The following ALPK1 variants were observed in gnomAD, a reference collection of about 807,000 sequenced individuals.
The protein encoded by ALPK1 is alpha kinase 1, also known as alpha-protein kinase 1.
Under a neutral mutation model 120.6 loss-of-function variants are expected in ALPK1, and 110 were observed. That is an observed-to-expected ratio of 0.91 (90% confidence interval 0.78 to 1.07). ALPK1 has a LOEUF of 1.07. Among genes scored for constraint, ALPK1 ranks in the 50% least tolerant of loss-of-function variants. The pLI is 0.00. For missense variants in ALPK1, 1,498 were observed against 1,483.9 expected, an observed-to-expected ratio of 1.01 and a Z score of -0.16; for synonymous variants, 582 against 560.3, an observed-to-expected ratio of 1.04 and a Z score of -0.55.
At chr4:112,355,371 T>C (rs1257151580) in intron 2 of ALPK1, among the ~76,000 whole-genome samples, 1 of 151,920 alleles carries the variant, frequency 6.6e-6, no homozygotes, top group Non-Finnish European at 1.5e-5. Context: ...CCCGGGCCAG[T>C]GGGGGAGACA....
chr4:112,340,187 T>C (rs1166217560), intron 2 of ALPK1, among the ~76,000 whole-genome samples: 1 of 152,264 alleles, frequency 6.6e-6, no homozygotes, highest in Non-Finnish European at 1.5e-5. Flanking sequence ...ATATAGCCTG[T>C]AGCTCTTTAA....
chr4:112,347,179 C>A (rs28710349), intron 2 of ALPK1, among the ~76,000 whole-genome samples: 1,718 of 152,174 alleles, frequency 0.011, 25 homozygotes, highest in African/African-American at 0.039. Flanking sequence ...GTCATAGAAT[C>A]AACATTCTGT....
chr4:112,327,854 A>G (rs559539435), intron 2 of ALPK1, among the ~76,000 whole-genome samples: 2 of 152,286 alleles, frequency 1.3e-5, no homozygotes, highest in South Asian at 2.1e-4. Flanking sequence ...TTACCTTTTA[A>G]CCCTCAATCC....
At chr4:112,411,178 A>C (rs1384433769) in intron 4 of ALPK1, 1 of 154,854 alleles carries the variant, frequency 6.5e-6, no homozygotes, top group East Asian at 1.9e-4. Context: ...AAATAAGATA[A>C]GGGATGGGGA....
chr4:112,379,247 G>C (rs1731796242), intron 3 of ALPK1, among the ~76,000 whole-genome samples: 1 of 152,200 alleles, frequency 6.6e-6, no homozygotes, highest in South Asian at 2.1e-4. Context: ...GAGTGCCACA[G>C]AATAGAAGAA....
rs1319275275 is a variant in ALPK1, at chr4:112,430,555, C to T, written c.1008C>T (p.Leu336=). The change falls in exon 11 of 16, where the codon CTC becomes CTT. Residue 336 remains leucine, a synonymous_variant. Coordinates refer to ENST00000650871, the MANE Select transcript of ALPK1 (RefSeq NM_025144.4). ...CCAAAGAGGCCTTTGAGATTGGCCTCCTCACCAAGAGAGATGATGAGCCTG... is the reference window on the plus strand; with the variant it reads ...CCAAAGAGGCCTTTGAGATTGGCCTTCTCACCAAGAGAGATGATGAGCCTG... The part of the protein sequence containing the change: ...CEAKEAFEIG[L]LTKRDDEPVT... 25 of 1,614,060 alleles carry T rather than the reference C, an allele frequency of 1.5e-5. No individual in the cohort carries two copies. The South Asian group carries it at 1.9e-4, about 12-fold the overall frequency.
chr4:112,347,731 T>A (rs1730160675), intron 2 of ALPK1, among the ~76,000 whole-genome samples: 1 of 152,260 alleles, frequency 6.6e-6, no homozygotes, highest in Non-Finnish European at 1.5e-5. Flanking sequence ...TTGAGAAGTT[T>A]ACAGATACAG....
chr4:112,352,431 G>A (rs1730404440), intron 2 of ALPK1, among the ~76,000 whole-genome samples: 1 of 152,076 alleles, frequency 6.6e-6, no homozygotes, highest in Admixed American at 6.6e-5. Context: ...TGGGAGATTG[G>A]TTCCAGGATC....
chr4:112,439,656 G>A (rs375739117), intron 13 of ALPK1, 30 bp from the exon 14 acceptor site: 3 of 1,576,766 alleles, frequency 1.9e-6, no homozygotes, highest in Non-Finnish European at 1.7e-6. Context: ...TTACCATTAT[G>A]CTGTAATGTT....
At chr4:112,426,433 C>T in intron 7 of ALPK1, 34 bp from the exon 8 acceptor site, 3 of 1,560,394 alleles carry the variant, frequency 1.9e-6, no homozygotes, top group Non-Finnish European at 2.6e-6. Flanking sequence ...TGTTCCTCCC[C>T]TGTCCCTCTC....
chr4:112,419,555 A>G (rs1234887218), intron 5 of ALPK1, among the ~76,000 whole-genome samples: 1 of 152,154 alleles, frequency 6.6e-6, no homozygotes, highest in African/African-American at 2.4e-5. Context: ...AAAGAGGTAG[A>G]GAGAAAGGGA....
chr4:112,359,750 C>T (rs572068280), intron 2 of ALPK1: 48 of 369,976 alleles, frequency 1.3e-4, no homozygotes, highest in South Asian at 7.0e-4. Context: ...GCCTCTAGGA[C>T]GTGCCCAACC....
intron 2 of ALPK1, among the ~76,000 whole-genome samples, chr4:112,347,106 G>A (rs905395024): frequency 3.9e-5 from 6 of 152,188 alleles, no homozygotes; most frequent in Admixed American, 3.9e-4. Context: ...CTGTTTCAGT[G>A]TTTTAAAATT....
Position 112,435,062 on chromosome 4 carries a change from C to T in ALPK1, c.3035-86C>T, listed in dbSNP as rs1473144917. The T allele has an allele frequency of 1.5e-5, 20 of 1,312,502 alleles. No individual in the cohort carries two copies. In the African/African-American group the frequency reaches 1.6e-4, roughly 11 times the overall value. The allele number at this position is 1,312,502 out of a possible 1,614,324, so 81.3% of individuals were successfully genotyped here. A position where few individuals can be genotyped will look rare whatever the true frequency, so the allele number is the denominator to read the frequency against. On this transcript the variant is annotated intron_variant, in intron 11 of 15. Coordinates refer to ENST00000650871, the MANE Select transcript of ALPK1 (RefSeq NM_025144.4). Reference sequence around the variant, plus strand: ...AAAGTGAAGATTTCAGGTGAGCTGGCGTAGGACCTGTGTCACATCAGCTTT... The same window carrying T: ...AAAGTGAAGATTTCAGGTGAGCTGGTGTAGGACCTGTGTCACATCAGCTTT...
rs140670923 is a variant in ALPK1 at position 112,365,926 on chromosome 4, C to G, written c.-100-11752C>G. On this transcript the variant is annotated intron_variant, in intron 2 of 15. Transcript: ENST00000650871. ...CAAATACTTACAGTTAACTGATCTT[C>G]GACAAAGTAAACAAAAACATATAGT... Among the ~76,000 whole-genome samples the G allele has an allele frequency of 4.3e-4, 65 of 152,042 alleles. 1 individual carries two copies. Among genetic ancestry groups the G allele is most frequent in the African/African-American group, 1.5e-3 (61 of 41,498 alleles).
chr4:112,332,254 A>G (rs1729414202), intron 2 of ALPK1, among the ~76,000 whole-genome samples: 1 of 152,144 alleles, frequency 6.6e-6, no homozygotes, highest in African/African-American at 2.4e-5. Context: ...ATACCAGTTA[A>G]TTTGCCTGTA....
At chr4:112,304,057 G>T (rs1327391888) in intron 1 of ALPK1, among the ~76,000 whole-genome samples, 4 of 152,034 alleles carry the variant, frequency 2.6e-5, no homozygotes, top group Non-Finnish European at 5.9e-5. Context: ...GCTTCATCCA[G>T]GTCCCTATAA....
chr4:112,399,728 C>T (rs1189138662), intron 4 of ALPK1, among the ~76,000 whole-genome samples: 7 of 152,098 alleles, frequency 4.6e-5, no homozygotes, highest in African/African-American at 9.7e-5. Flanking sequence ...AGGTATTTGT[C>T]GTATTGCTCT....
intron 2 of ALPK1, among the ~76,000 whole-genome samples, chr4:112,328,340 T>C (rs1480415583): frequency 1.3e-5 from 2 of 152,216 alleles, no homozygotes; most frequent in African/African-American, 2.4e-5. Context: ...GCAAGAAGTA[T>C]CAAATGGGGA....
Sources: allele counts gnomAD v4.1 joint callset (sites outside exome capture counted in the v4.1 genomes callset), GRCh38; gene constraint gnomAD v4.1.1; transcripts MANE v1.5; gene names NCBI Gene and HGNC (gene_info 2026-07-23, HGNC 2026-07-21).